Variants in SMCHD1 observed in about 807,000 individuals in gnomAD.
SMCHD1 encodes structural maintenance of chromosomes flexible hinge domain-containing protein 1.
Under a neutral mutation model 254.7 loss-of-function variants are expected in SMCHD1, and 78 were observed. The ratio of observed to expected loss-of-function variants is 0.31; its 90% confidence interval spans 0.26 to 0.37. The LOEUF is 0.37. Among genes scored for constraint, SMCHD1 ranks in the 10% least tolerant of loss-of-function variants. The pLI, the probability that SMCHD1 is intolerant of heterozygous loss-of-function variation, is 1.00. For missense variants in SMCHD1, 1,840 were observed against 2,408.1 expected, an observed-to-expected ratio of 0.76 and a Z score of 4.94; for synonymous variants, 766 against 794.9, an observed-to-expected ratio of 0.96 and a Z score of 0.61.
chr18:2,751,473 A>C lies in SMCHD1; in HGVS notation c.4281+80A>C, dbSNP rs367674094. On this transcript the variant is annotated intron_variant, in intron 33 of 47. Coordinates refer to ENST00000320876, the MANE Select transcript of SMCHD1 (RefSeq NM_015295.3). Reference sequence around the variant, plus strand: ...AAACTAAGTCTCCTTTAATGTAAATATATAATGTTATATAAATTTGAGAAA... The same window carrying C: ...AAACTAAGTCTCCTTTAATGTAAATCTATAATGTTATATAAATTTGAGAAA... 2.9e-5 allele frequency: 22 copies of C among 746,778 alleles called. No individual in the cohort carries two copies. In the East Asian group the frequency reaches 3.8e-4, roughly 13 times the overall value. 46.3% of individuals were successfully genotyped at this position (746,778 alleles called of 1,614,324 possible).
At position 2,802,632 on chromosome 18, in the gene SMCHD1, GT is replaced by G. The variant is rs1415533789; in HGVS notation, c.*81del. 2.2e-6 allele frequency: 3 copies of G among 1,343,040 alleles called. No individual in the cohort carries two copies. Among genetic ancestry groups the G allele is most frequent in the Non-Finnish European group, 3.1e-6 (3 of 983,180 alleles). The allele number at this position is 1,343,040 out of a possible 1,614,324, so 83.2% of individuals were successfully genotyped here. ...ATCTCTGTTTCAGAAGACCAAGAGG[GT>G]GACTTACCAGACTGAGTATTTCTGG... On this transcript the variant is annotated 3_prime_UTR_variant, in exon 48 of 48. Coordinates refer to ENST00000320876, the MANE Select transcript of SMCHD1 (RefSeq NM_015295.3).
chr18:2,715,922 A>G (rs570989704), intron 17 of SMCHD1, among the ~76,000 whole-genome samples: 1 of 152,188 alleles, frequency 6.6e-6, no homozygotes, highest in Non-Finnish European at 1.5e-5. Context: ...GTTAGGATCC[A>G]TCGTTAGAGA....
chr18:2,793,238 G>C (rs1363693615), intron 45 of SMCHD1, among the ~76,000 whole-genome samples: 1 of 152,156 alleles, frequency 6.6e-6, no homozygotes, highest in African/African-American at 2.4e-5. Context: ...CAGCCTTTCA[G>C]ATATACTTTC....
chr18:2,686,664 CTTG>C (rs1011783493), intron 5 of SMCHD1, among the ~76,000 whole-genome samples: 38 of 151,752 alleles, frequency 2.5e-4, no homozygotes, highest in South Asian at 1.0e-3. Flanking sequence ...TAAATGCAAA[CTTG>C]TGTGGGGAGG....
chr18:2,696,019 G>A (rs958651524), intron 8 of SMCHD1, among the ~76,000 whole-genome samples: 1 of 152,044 alleles, frequency 6.6e-6, no homozygotes, highest in Non-Finnish European at 1.5e-5. Flanking sequence ...CTCTAATGAA[G>A]GATTATGAAG....
At chr18:2,757,674 A>G (rs533785077) in intron 34 of SMCHD1, among the ~76,000 whole-genome samples, 4 of 152,026 alleles carry the variant, frequency 2.6e-5, no homozygotes, top group South Asian at 2.1e-4. Context: ...CAATTTTTGT[A>G]TATGTTCCAA....
At chr18:2,725,077 G>C (rs1222310361) in intron 21 of SMCHD1, 82 bp downstream of exon 21, 1 of 836,046 alleles carries the variant, frequency 1.2e-6, no homozygotes, top group Non-Finnish European at 1.7e-6. Context: ...AATGAAAAGT[G>C]GAATGACCTA....
At position 2,728,246 on chromosome 18, in the gene SMCHD1, G is replaced by A. The variant is rs77568208; in HGVS notation, c.2774-211G>A. ...GAATAAAACTTAGCCTAGACACCAAGCATTTTATACAATTGAGATAAGTCT... is the reference window on the plus strand; with the variant it reads ...GAATAAAACTTAGCCTAGACACCAAACATTTTATACAATTGAGATAAGTCT... On this transcript the variant is annotated intron_variant, in intron 22 of 47. Transcript: ENST00000320876. 3.5e-3 allele frequency: 1,668 copies of A among 474,784 alleles called. 23 individuals are homozygous for A. Among genetic ancestry groups the A allele is most frequent in the African/African-American group, 0.029 (1,413 of 49,542 alleles). 29.4% of individuals were successfully genotyped at this position (474,784 alleles called of 1,614,324 possible).
chr18:2,769,900 G>C, intron 38 of SMCHD1, 80 bp downstream of exon 38: 1 of 1,537,824 alleles, frequency 6.5e-7, no homozygotes, highest in Non-Finnish European at 8.8e-7. Context: ...CCATTAACTT[G>C]GTGTTTATTA....
intron 10 of SMCHD1, among the ~76,000 whole-genome samples, chr18:2,699,895 A>G (rs894474069): frequency 6.6e-6 from 1 of 152,200 alleles, no homozygotes; most frequent in Non-Finnish European, 1.5e-5. Context: ...AGGTGTTAAT[A>G]TGTCAGGATC....
chr18:2,673,247 A>G, intron 3 of SMCHD1, 34 bp from the exon 4 acceptor site: 1 of 1,552,040 alleles, frequency 6.4e-7, no homozygotes, highest in Non-Finnish European at 8.7e-7. Context: ...TGTGGGAGGG[A>G]AAAGTTAAGC....
At chr18:2,767,949 T>C (rs1456820621) in intron 37 of SMCHD1, among the ~76,000 whole-genome samples, 2 of 152,132 alleles carry the variant, frequency 1.3e-5, no homozygotes, top group Non-Finnish European at 2.9e-5. Flanking sequence ...CTGAACACTG[T>C]AGGTAATTTT....
chr18:2,784,781 A>T, intron 45 of SMCHD1, 160 bp downstream of exon 45: 1 of 779,544 alleles, frequency 1.3e-6, no homozygotes, highest in Non-Finnish European at 2.1e-6. Flanking sequence ...GCTTTTTTAT[A>T]TCAGGTAGTT....
chr18:2,670,747 A>G (rs1433360755), intron 3 of SMCHD1, among the ~76,000 whole-genome samples: 1 of 151,826 alleles, frequency 6.6e-6, no homozygotes, highest in African/African-American at 2.4e-5. Context: ...CTAAAAGTAC[A>G]AAAATTGGCC....
intron 39 of SMCHD1, among the ~76,000 whole-genome samples, chr18:2,770,540 A>G (rs1234390608): frequency 6.6e-6 from 1 of 152,210 alleles, no homozygotes; most frequent in Non-Finnish European, 1.5e-5. Context: ...CTGGGGCAGC[A>G]CACACTGATA....
At chr18:2,794,254 A>G (rs995979804) in intron 45 of SMCHD1, among the ~76,000 whole-genome samples, 5 of 152,178 alleles carry the variant, frequency 3.3e-5, no homozygotes, top group African/African-American at 1.2e-4. Flanking sequence ...CAGGAGTTCA[A>G]GACCAGCCTG....
At chr18:2,666,029 T>C in intron 1 of SMCHD1, 128 bp from the exon 2 acceptor site, 1 of 500,808 alleles carries the variant, frequency 2.0e-6, no homozygotes, top group South Asian at 3.3e-5. Flanking sequence ...CTGAGTTTTG[T>C]ATTTCCTAGA....
chr18:2,775,398 T>C (rs1456067695), intron 41 of SMCHD1, among the ~76,000 whole-genome samples: 1 of 152,124 alleles, frequency 6.6e-6, no homozygotes, highest in Non-Finnish European at 1.5e-5. Context: ...ATCCCATTTA[T>C]AGTGTTAAAA....
At chr18:2,682,314 CTT>C (rs397825044) in intron 5 of SMCHD1, among the ~76,000 whole-genome samples, 2 of 145,560 alleles carry the variant, frequency 1.4e-5, no homozygotes, top group African/African-American at 2.6e-5. Flanking sequence ...CTTTCTTCTT[CTT>C]TTTTTTTTTT....
Sources: allele counts gnomAD v4.1 joint callset (sites outside exome capture counted in the v4.1 genomes callset), GRCh38; gene constraint gnomAD v4.1.1; transcripts MANE v1.5; gene names NCBI Gene and HGNC (gene_info 2026-07-23, HGNC 2026-07-21).